Variants in SLC35B4 observed in about 807,000 individuals in gnomAD.
SLC35B4 encodes the protein nucleotide sugar transporter SLC35B4.
A neutral mutation model predicts 39.5 loss-of-function variants in SLC35B4; 28 were observed. The ratio of observed to expected loss-of-function variants is 0.71; its 90% CI spans 0.53 to 0.97. The LOEUF (loss-of-function observed/expected upper bound fraction) is 0.97, where lower values mean the gene tolerates loss of function less well. Ranked by LOEUF, SLC35B4 falls within the 50% of genes least tolerant of loss-of-function variation. The probability of loss-of-function intolerance (pLI) is 0.00; values close to 1 mark genes in which losing one functional copy is unlikely to be tolerated. For synonymous variants in SLC35B4, 145 were observed against 150.4 expected (o/e 0.96, Z 0.26); for missense variants, 334 against 414.3 (o/e 0.81, Z 1.68).
At chr7:134,309,561 C>G in intron 1 of SLC35B4, 82 bp from the exon 2 acceptor site, 1 of 856,062 alleles carries the variant, frequency 1.2e-6, no homozygotes, top group East Asian at 2.6e-5. Flanking sequence ...ATTAGAGGGC[C>G]AGAATAACAG....
In SLC35B4 at chr7:134,307,862, A is replaced by G. The variant is rs1348391399; in HGVS notation, c.192-1088T>C. On this transcript the variant is annotated intron_variant, in intron 2 of 9. Coordinates refer to ENST00000378509, the MANE Select transcript of SLC35B4 (RefSeq NM_032826.5). Reference sequence around the variant, plus strand: ...GGAACTTGACAATGAACACATATGCAAAATTACCAGCAACAGCTTCTTCAC... The same window carrying G: ...GGAACTTGACAATGAACACATATGCGAAATTACCAGCAACAGCTTCTTCAC... Among the ~76,000 whole-genome samples, 8 of 152,344 alleles carry G rather than the reference A, an allele frequency of 5.3e-5. No individual in the cohort carries two copies. In the East Asian group the frequency reaches 1.2e-3, roughly 22 times the overall value.
chr7:134,294,623 G>A lies in SLC35B4; in HGVS notation c.*210C>T, dbSNP rs1053926276. 3 of 557,588 alleles carry A rather than the reference G, an allele frequency of 5.4e-6. No individual in the cohort carries two copies. Among genetic ancestry groups the A allele is most frequent in the East Asian group, 3.1e-5 (1 of 32,326 alleles). The allele number at this position is 557,588 out of a possible 1,614,324, so 34.5% of individuals were successfully genotyped here. On this transcript the variant is annotated 3_prime_UTR_variant, in exon 10 of 10. Coordinates refer to ENST00000378509, the MANE Select transcript of SLC35B4 (RefSeq NM_032826.5). ...ATGGGCTGTTCAATAGTCCAGAACT[G>A]TTCTTTTTTCTATTTTAGGGCTGAG... is the stretch of plus-strand genomic sequence containing the variant.
Position 134,316,783 on chromosome 7 carries a change from A to G in SLC35B4, c.-32T>C. On this transcript the variant is annotated 5_prime_UTR_variant, in exon 1 of 10. Transcript: ENST00000378509. Reference sequence around the variant, plus strand: ...TGCAGGGTTGGGGAAGCAAGCGCACAGAGTAAGCGCCCGCCTGTACCGCTA... The same window carrying G: ...TGCAGGGTTGGGGAAGCAAGCGCACGGAGTAAGCGCCCGCCTGTACCGCTA... 6.5e-7 allele frequency: 1 copy of G among 1,529,726 alleles called. No individual in the cohort carries two copies. Among genetic ancestry groups the G allele is most frequent in the South Asian group, 1.2e-5 (1 of 80,992 alleles). 94.8% of individuals were successfully genotyped at this position (1,529,726 alleles called of 1,614,324 possible). A position where few individuals can be genotyped will look rare whatever the true frequency, so the allele number is the denominator to read the frequency against.
At chr7:134,299,436 G>A in intron 8 of SLC35B4, 87 bp downstream of exon 8, 1 of 1,067,002 alleles carries the variant, frequency 9.4e-7, no homozygotes, top group Middle Eastern at 2.0e-4. Context: ...ATAGGATTAT[G>A]AAAAAGGCCG....
chr7:134,301,829 A>G lies in SLC35B4; in HGVS notation c.427-8T>C. On this transcript the variant is annotated splice_polypyrimidine_tract_variant and splice_region_variant and intron_variant, in intron 5 of 9. Transcript: ENST00000378509. ...CAAGCTGGACTGGGAAGTCTAGGAAATAAGAAAATAAACTAGGTACAGAGA... is the reference window on the plus strand; with the variant it reads ...CAAGCTGGACTGGGAAGTCTAGGAAGTAAGAAAATAAACTAGGTACAGAGA... 3 of 1,613,858 alleles carry G rather than the reference A, an allele frequency of 1.9e-6. No homozygotes were observed. Among genetic ancestry groups the G allele is most frequent in the Non-Finnish European group, 2.5e-6 (3 of 1,179,776 alleles).
At chr7:134,295,221 TG>T (rs1346396417) in intron 9 of SLC35B4, 142 bp from the exon 10 acceptor site, 2 of 1,079,054 alleles carry the variant, frequency 1.9e-6, no homozygotes, top group Non-Finnish European at 2.6e-6. Context: ...AGGCTCCTCC[TG>T]GGGAGAACCT....
In SLC35B4 at chr7:134,292,551, A is replaced by T. The variant is rs561409202; in HGVS notation, c.*2282T>A. 1 of 152,324 alleles carries T rather than the reference A, an allele frequency of 6.6e-6. No homozygotes were observed. The highest frequency in any genetic ancestry group is 2.4e-5 in the African/African-American group (1 of 41,558). The allele number at this position is 152,324 out of a possible 1,614,324, so 9.4% of individuals were successfully genotyped here. The stretch of plus-strand genomic sequence containing the variant: ...TGTGAACATCAACACATACCCAATG[A>T]AGAAAACTTGTAATGTTTTCATCAA... On this transcript the variant is annotated 3_prime_UTR_variant, in exon 10 of 10. Transcript: ENST00000378509.
intron 6 of SLC35B4, among the ~76,000 whole-genome samples, chr7:134,300,557 A>C (rs1020606099): frequency 2.6e-5 from 4 of 152,318 alleles, no homozygotes; most frequent in East Asian, 1.9e-4. Context: ...GCTTCAAATC[A>C]GTCATTAAAA....
chr7:134,301,906 A>G lies in SLC35B4; in HGVS notation c.427-85T>C, dbSNP rs1235188031. The G allele has an allele frequency of 2.7e-6, 4 of 1,486,876 alleles. No homozygotes were observed. In the East Asian group the frequency reaches 6.8e-5, roughly 25 times the overall value. The allele number at this position is 1,486,876 out of a possible 1,614,324, so 92.1% of individuals were successfully genotyped here. A position where few individuals can be genotyped will look rare whatever the true frequency, so the allele number is the denominator to read the frequency against. Reference sequence around the variant, plus strand: ...TACAAGGGAAACATTTATGTTACCCATTTCCCTCCCCTCTTCTCTTTCAAA... The same window carrying G: ...TACAAGGGAAACATTTATGTTACCCGTTTCCCTCCCCTCTTCTCTTTCAAA... On this transcript the variant is annotated intron_variant, in intron 5 of 9. Transcript: ENST00000378509.
chr7:134,317,665 T>A (rs948693781), upstream of SLC35B4, among the ~76,000 whole-genome samples: 6 of 152,226 alleles, frequency 3.9e-5, no homozygotes, highest in African/African-American at 1.2e-4. Context: ...AGATCTTTAA[T>A]GGTGAAAAGA....
intron 1 of SLC35B4, among the ~76,000 whole-genome samples, chr7:134,312,878 A>C (rs937321430): frequency 2.0e-5 from 3 of 152,174 alleles, no homozygotes; most frequent in African/African-American, 7.2e-5. Context: ...AGTGGGGTTA[A>C]GTATGGGTTT....
rs2117267623 is a variant in SLC35B4 at position 134,292,428 on chromosome 7, T to C, written c.*2405A>G. 1 of 152,308 alleles carries C rather than the reference T, an allele frequency of 6.6e-6. No homozygotes were observed. Among genetic ancestry groups the C allele is most frequent in the African/African-American group, 2.4e-5 (1 of 41,548 alleles). 9.4% of individuals were successfully genotyped at this position (152,308 alleles called of 1,614,324 possible). On this transcript the variant is annotated 3_prime_UTR_variant, in exon 10 of 10. Transcript: ENST00000378509. ...ATCTAATCTATTCCCTGCCCATACATAGCCTCCTATTCATAAGACTGGCTG... is the reference window on the plus strand; with the variant it reads ...ATCTAATCTATTCCCTGCCCATACACAGCCTCCTATTCATAAGACTGGCTG...
intron 4 of SLC35B4, 42 bp from the exon 5 acceptor site, chr7:134,302,152 C>T (rs1157757274): frequency 2.7e-6 from 4 of 1,496,498 alleles, no homozygotes; most frequent in Non-Finnish European, 2.8e-6. Flanking sequence ...CTTAGGAAAG[C>T]ACAGATATGA....
At chr7:134,299,004 C>A (rs1284550130) in intron 8 of SLC35B4, among the ~76,000 whole-genome samples, 1 of 152,228 alleles carries the variant, frequency 6.6e-6, no homozygotes, top group African/African-American at 2.4e-5. Context: ...CTAACTTACA[C>A]TAGACGCTTG....
Position 134,299,539 on chromosome 7 carries a change from A to T in SLC35B4, c.657T>A (p.Val219=). The change falls in exon 8 of 10, where the codon GTT becomes GTA. Residue 219 remains valine (V), a synonymous_variant. Transcript: ENST00000378509. ...CAAACTCACCAGACTTATTGAATAG[A>T]ACTGCATGGTCATAAATATCAGAAG... is the stretch of plus-strand genomic sequence containing the variant. ...FLASDIYDHA[V]LFNKSELYEI... is the part of the protein sequence containing the mutation. The T allele has an allele frequency of 6.2e-7, 1 of 1,613,932 alleles. No homozygotes were observed. The highest frequency in any genetic ancestry group is 8.5e-7 in the Non-Finnish European group (1 of 1,179,840).
chr7:134,300,179 T>A lies in SLC35B4; in HGVS notation c.570A>T (p.Lys190Asn). The change falls in exon 7 of 10, where the codon AAA becomes AAT. Residue 190 changes from lysine (K) to asparagine (N), a missense_variant. Lys to Asn is a moderately conservative substitution (Grantham distance 94). Coordinates refer to ENST00000378509, the MANE Select transcript of SLC35B4 (RefSeq NM_032826.5). Reference sequence around the variant, plus strand: ...TATAAAACAAAGCCTCCTTGGAGTGTTTCCCAAATCGTTTGTAGAGAGTCT... The same window carrying A: ...TATAAAACAAAGCCTCCTTGGAGTGATTCCCAAATCGTTTGTAGAGAGTCT... Reference protein sequence around the residue: ...FQETLYKRFGKHSKEALFYNH... With the variant: ...FQETLYKRFGNHSKEALFYNH... 2 of 1,612,436 alleles carry A rather than the reference T, an allele frequency of 1.2e-6. No homozygotes were observed. Among genetic ancestry groups the A allele is most frequent in the Non-Finnish European group, 1.7e-6 (2 of 1,179,600 alleles).
chr7:134,315,373 G>C (rs1268895521), intron 1 of SLC35B4, among the ~76,000 whole-genome samples: 1 of 152,156 alleles, frequency 6.6e-6, no homozygotes, highest in African/African-American at 2.4e-5. Flanking sequence ...CTGAAAATCT[G>C]AACTCTGAAA....
In SLC35B4 at chr7:134,299,524, A is replaced by G. The variant is rs140684153; in HGVS notation, c.672T>C (p.Ser224=). 6.7e-5 allele frequency: 108 copies of G among 1,613,062 alleles called. No individual in the cohort carries two copies. Among genetic ancestry groups the G allele is most frequent in the Non-Finnish European group, 8.3e-5 (98 of 1,179,198 alleles). ...IYDHAVLFNK[S]ELYEIPVIGV... ...TCTACTGTCTAACCCCAAACTCACC[A>G]GACTTATTGAATAGAACTGCATGGT... Residue 224 remains serine (S), a splice_region_variant and synonymous_variant, in exon 8 of 10, where the codon TCT becomes TCC. Coordinates refer to ENST00000378509, the MANE Select transcript of SLC35B4 (RefSeq NM_032826.5).
chr7:134,319,081 G>T (rs1399507922), upstream of SLC35B4, among the ~76,000 whole-genome samples: 1 of 152,110 alleles, frequency 6.6e-6, no homozygotes, highest in Non-Finnish European at 1.5e-5. Context: ...CCTCTCATTT[G>T]CTCAGAGAAC....
Sources: allele counts gnomAD v4.1 joint callset (sites outside exome capture counted in the v4.1 genomes callset), GRCh38; gene constraint gnomAD v4.1.1; transcripts MANE v1.5; gene names NCBI Gene and HGNC (gene_info 2026-07-23, HGNC 2026-07-21).